The following KCNH8 variants were observed in gnomAD, a reference collection of about 807,000 sequenced individuals.
KCNH8 encodes potassium voltage-gated channel subfamily H member 8.
In KCNH8, 70 loss-of-function variants were observed where a neutral mutation model predicts 103.6. That is an observed-to-expected ratio of 0.68 (90% CI 0.56 to 0.82). The LOEUF (loss-of-function observed/expected upper bound fraction) is 0.82. KCNH8 is among the 40% of genes least tolerant of loss of function. The pLI is 0.00. For synonymous variants in KCNH8, 498 were observed against 489.4 expected, an observed-to-expected ratio of 1.02 and a Z score of -0.23; for missense variants, 1,217 against 1,329.9, an observed-to-expected ratio of 0.92 and a Z score of 1.32.
chr3:19,476,088 ATTTC>A (rs765843489), intron 11 of KCNH8, among the ~76,000 whole-genome samples: 1 of 152,164 alleles, frequency 6.6e-6, no homozygotes, highest in Non-Finnish European at 1.5e-5. Context: ...AGTTTCGAAG[ATTTC>A]TTTAAGTAAA....
intron 15 of KCNH8, among the ~76,000 whole-genome samples, chr3:19,530,144 C>T (rs1431517814): frequency 2.6e-5 from 4 of 152,022 alleles, no homozygotes; most frequent in African/African-American, 9.7e-5. Context: ...TGATGATTAC[C>T]AGAGGCTGGG....
intron 11 of KCNH8, among the ~76,000 whole-genome samples, chr3:19,484,741 A>C (rs1186220984): frequency 6.6e-6 from 1 of 152,184 alleles, no homozygotes; most frequent in Admixed American, 6.5e-5. Context: ...TCACCTGGAA[A>C]GAAAGGATGA....
At chr3:19,494,926 G>T (rs780545363) in intron 11 of KCNH8, among the ~76,000 whole-genome samples, 15 of 152,056 alleles carry the variant, frequency 9.9e-5, no homozygotes, top group Non-Finnish European at 1.9e-4. Context: ...TTGTGGATTT[G>T]ATTTGCATTT....
At chr3:19,527,982 T>A (rs2069094469) in intron 15 of KCNH8, among the ~76,000 whole-genome samples, 1 of 151,932 alleles carries the variant, frequency 6.6e-6, no homozygotes, top group African/African-American at 2.4e-5. Context: ...GATAGAGAAA[T>A]CTTGGATGTG....
chr3:19,507,213 G>C (rs2068709753), intron 11 of KCNH8, among the ~76,000 whole-genome samples: 1 of 152,192 alleles, frequency 6.6e-6, no homozygotes, highest in Non-Finnish European at 1.5e-5. Context: ...TGGAGCACAG[G>C]TGAAGCCCTT....
rs553619653 is a variant in KCNH8 at position 19,476,290 on chromosome 3, G to A, written c.2040+19308G>A. Among the ~76,000 whole-genome samples, 34 of 152,188 alleles carry A rather than the reference G, an allele frequency of 2.2e-4. 1 individual carries two copies. The highest frequency in any genetic ancestry group is 3.7e-4 in the Non-Finnish European group (25 of 68,006). On this transcript the variant is annotated intron_variant, in intron 11 of 15. Coordinates refer to ENST00000328405, the MANE Select transcript of KCNH8 (RefSeq NM_144633.3). ...ACAGACAAGGAGGTTCAACTTTTTT[G>A]TTGCAGTGTATAATTGACAATGGGC...
intron 7 of KCNH8, among the ~76,000 whole-genome samples, chr3:19,402,233 A>T (rs1222645778): frequency 6.6e-6 from 1 of 151,932 alleles, no homozygotes; most frequent in Non-Finnish European, 1.5e-5. Context: ...ACATATTGTT[A>T]ATACTCTATT....
chr3:19,490,900 T>C (rs111228352), intron 11 of KCNH8, among the ~76,000 whole-genome samples: 4 of 152,318 alleles, frequency 2.6e-5, no homozygotes, highest in African/African-American at 4.8e-5. Flanking sequence ...TAAAGAAAGC[T>C]ACTCAAGACA....
intron 1 of KCNH8, among the ~76,000 whole-genome samples, chr3:19,227,701 A>G (rs1351575531): frequency 6.6e-6 from 1 of 152,220 alleles, no homozygotes; most frequent in Admixed American, 6.5e-5. Context: ...AGATTCAGGG[A>G]AACACTCAGT....
chr3:19,161,718 T>G (rs7633856), intron 1 of KCNH8, among the ~76,000 whole-genome samples: 7,063 of 152,268 alleles, frequency 0.046, 526 homozygotes, highest in African/African-American at 0.16. Context: ...TGTAAATTTT[T>G]GTAGAGCACA....
intron 1 of KCNH8, among the ~76,000 whole-genome samples, chr3:19,225,197 G>A (rs1040386675): frequency 6.6e-6 from 1 of 151,680 alleles, no homozygotes; most frequent in Non-Finnish European, 1.5e-5. Context: ...TAATAGAGTA[G>A]CAAAACTCTA....
chr3:19,440,527 AT>A (rs924391368), intron 8 of KCNH8, among the ~76,000 whole-genome samples: 15 of 152,180 alleles, frequency 9.9e-5, no homozygotes, highest in African/African-American at 3.6e-4. Flanking sequence ...ACTGCCCTTT[AT>A]AAAACCATAA....
intron 11 of KCNH8, among the ~76,000 whole-genome samples, chr3:19,472,955 G>A (rs907442909): frequency 3.3e-5 from 5 of 152,160 alleles, no homozygotes; most frequent in African/African-American, 1.2e-4. Flanking sequence ...AGTATTATGA[G>A]CAAGGTAATT....
intron 3 of KCNH8, among the ~76,000 whole-genome samples, chr3:19,286,541 G>A (rs1254738000): frequency 6.6e-6 from 1 of 152,170 alleles, no homozygotes; most frequent in Non-Finnish European, 1.5e-5. Flanking sequence ...AAGCCACTCA[G>A]TCTGAGGTAC....
In KCNH8 at chr3:19,169,860, G is replaced by C. The variant is rs139196506; in HGVS notation, c.76+21065G>C. Reference sequence around the variant, plus strand: ...TACATATTCTTCTAATGACTGAGAAGTTGTATATCATTTTTTGTTTTGTTT... The same window carrying C: ...TACATATTCTTCTAATGACTGAGAACTTGTATATCATTTTTTGTTTTGTTT... On this transcript the variant is annotated intron_variant, in intron 1 of 15. Transcript: ENST00000328405. Among the ~76,000 whole-genome samples the C allele has an allele frequency of 1.2e-4, 18 of 152,288 alleles. No homozygotes were observed. The East Asian group carries it at 3.5e-3, about 29-fold the overall frequency.
At chr3:19,384,659 T>C (rs771504787) in intron 5 of KCNH8, among the ~76,000 whole-genome samples, 7 of 152,190 alleles carry the variant, frequency 4.6e-5, no homozygotes, top group Non-Finnish European at 8.8e-5. Context: ...TTAAATTTTA[T>C]AACATCAAGT....
intron 2 of KCNH8, among the ~76,000 whole-genome samples, chr3:19,276,360 C>T (rs140012496): frequency 2.3e-4 from 35 of 152,002 alleles, no homozygotes; most frequent in East Asian, 1.9e-3. Context: ...ATGTTTAGGT[C>T]ACATAACCCT....
chr3:19,426,543 A>C (rs957902077), intron 7 of KCNH8, among the ~76,000 whole-genome samples: 1 of 150,134 alleles, frequency 6.7e-6, no homozygotes, highest in Non-Finnish European at 1.5e-5. Context: ...TTGTCCTAAA[A>C]TTGATGTGGC....
intron 1 of KCNH8, among the ~76,000 whole-genome samples, chr3:19,190,959 A>G (rs184610288): frequency 1.4e-4 from 21 of 152,026 alleles, no homozygotes; most frequent in Admixed American, 9.2e-4. Flanking sequence ...TGTATACTGT[A>G]GTAAAGTGTT....
Sources: gnomAD v4.1 joint callset for allele counts (sites outside exome capture counted in the v4.1 genomes callset) on GRCh38, gnomAD v4.1.1 for gene constraint, MANE v1.5 for transcripts, NCBI Gene and HGNC (gene_info 2026-07-23, HGNC 2026-07-21) for gene names.